Variants in SPOCK1 observed in about 807,000 individuals in gnomAD.
SPOCK1 encodes SPARC (osteonectin), cwcv and kazal like domains proteoglycan 1.
SPOCK1 carries 23 observed loss-of-function variants against 55.3 expected under a neutral mutation model. The ratio of observed to expected loss-of-function variants is 0.42; its 90% confidence interval spans 0.30 to 0.59. The LOEUF is 0.59. Ranked by LOEUF, SPOCK1 falls within the 20% of genes least tolerant of loss-of-function variation. SPOCK1 has a pLI of 0.22. For synonymous variants in SPOCK1, 226 were observed against 221.0 expected (o/e 1.02, Z -0.20); for missense variants, 499 against 552.5 (o/e 0.90, Z 0.97).
intron 2 of SPOCK1, among the ~76,000 whole-genome samples, chr5:137,474,812 C>T (rs922366828): frequency 2.0e-5 from 3 of 152,184 alleles, no homozygotes; most frequent in African/African-American, 7.2e-5. Flanking sequence ...GTGTTACTAA[C>T]AAGGTGGGAG....
At chr5:137,036,753 G>A (rs1468269856) in intron 6 of SPOCK1, among the ~76,000 whole-genome samples, 4 of 152,222 alleles carry the variant, frequency 2.6e-5, no homozygotes, top group African/African-American at 9.6e-5. Flanking sequence ...GCTCCAGGCA[G>A]TTCCTGCTGC....
chr5:137,493,643 AG>A (rs1168027210), intron 2 of SPOCK1, among the ~76,000 whole-genome samples: 2 of 152,234 alleles, frequency 1.3e-5, no homozygotes, highest in African/African-American at 4.8e-5. Flanking sequence ...CAGCTAGTAC[AG>A]GGGATTTAAG....
intron 3 of SPOCK1, among the ~76,000 whole-genome samples, chr5:137,212,106 G>A (rs1458670174): frequency 4.6e-5 from 7 of 152,172 alleles, no homozygotes; most frequent in East Asian, 1.9e-4. Flanking sequence ...CCGAAGGGGG[G>A]TCCATCTTGT....
intron 2 of SPOCK1, among the ~76,000 whole-genome samples, chr5:137,469,404 A>C (rs1296672515): frequency 6.6e-6 from 1 of 152,154 alleles, no homozygotes; most frequent in Admixed American, 6.5e-5. Flanking sequence ...TACCATAGAA[A>C]TCTTTCAGAA....
rs185531485 is a variant in SPOCK1 at position 137,395,320 on chromosome 5, A to G, written c.186+103053T>C. 1.7e-3 allele frequency among the ~76,000 whole-genome samples: 260 copies of G among 152,340 alleles called. 4 individuals are homozygous for G. The highest frequency in any genetic ancestry group is 4.8e-3 in the Admixed American group (73 of 15,306). On this transcript the variant is annotated intron_variant, in intron 2 of 10. Transcript: ENST00000394945. ...TGCCAAAGTAATTTTCTTTAAAATG[A>G]TTTATCAGCCATACGAACACAAGCC...
At chr5:137,011,933 A>T (rs927189866) in intron 6 of SPOCK1, among the ~76,000 whole-genome samples, 1 of 152,222 alleles carries the variant, frequency 6.6e-6, no homozygotes, top group African/African-American at 2.4e-5. Context: ...CAACACCAGG[A>T]GTCCCGAGAG....
At chr5:137,077,940 CT>C (rs1580738909) in intron 5 of SPOCK1, among the ~76,000 whole-genome samples, 1 of 151,908 alleles carries the variant, frequency 6.6e-6, no homozygotes, top group African/African-American at 2.4e-5. Flanking sequence ...GAGACTATCA[CT>C]TTCATTTTAC....
intron 6 of SPOCK1, among the ~76,000 whole-genome samples, chr5:137,041,264 T>G (rs1204623075): frequency 6.6e-6 from 1 of 152,160 alleles, no homozygotes; most frequent in Non-Finnish European, 1.5e-5. Flanking sequence ...CTGGAATAAT[T>G]AGATATTCAA....
intron 3 of SPOCK1, among the ~76,000 whole-genome samples, chr5:137,227,498 G>T (rs993432526): frequency 2.0e-5 from 3 of 152,174 alleles, no homozygotes; most frequent in Non-Finnish European, 2.9e-5. Flanking sequence ...TCTGGCTCTG[G>T]TATGCTCGAA....
intron 3 of SPOCK1, among the ~76,000 whole-genome samples, chr5:137,236,968 C>G (rs1293385953): frequency 3.3e-5 from 5 of 152,154 alleles, no homozygotes; most frequent in African/African-American, 1.2e-4. Flanking sequence ...GGGTGAGGAC[C>G]AACGCAGGGA....
intron 2 of SPOCK1, among the ~76,000 whole-genome samples, chr5:137,498,092 T>G (rs1011074224): frequency 2.0e-5 from 3 of 152,106 alleles, no homozygotes; most frequent in African/African-American, 7.2e-5. Context: ...CTGTGCTGTA[T>G]TTTAGTGCAG....
At chr5:137,043,519 G>A (rs1752040317) in intron 6 of SPOCK1, among the ~76,000 whole-genome samples, 1 of 152,170 alleles carries the variant, frequency 6.6e-6, no homozygotes, top group Non-Finnish European at 1.5e-5. Flanking sequence ...AGAGAAGCCT[G>A]ACAAACACTA....
At chr5:137,268,513 A>G (rs1230344080) in intron 2 of SPOCK1, among the ~76,000 whole-genome samples, 1 of 152,144 alleles carries the variant, frequency 6.6e-6, no homozygotes, top group East Asian at 1.9e-4. Context: ...TACAATCCCA[A>G]ACTTTTGGAA....
Position 136,978,130 on chromosome 5 carries a change from T to G in SPOCK1, c.*524A>C. The stretch of plus-strand genomic sequence containing the variant: ...CCAGATATAATGATGTGAAAAAAAC[T>G]AATTTTTAATAATAATCACCGGCAG... On this transcript the variant is annotated 3_prime_UTR_variant, in exon 11 of 11. Transcript: ENST00000394945. 1 of 392,578 alleles carries G rather than the reference T, an allele frequency of 2.5e-6. No individual in the cohort carries two copies. The highest frequency in any genetic ancestry group is 4.5e-6 in the Non-Finnish European group (1 of 222,532). The allele number at this position is 392,578 out of a possible 1,614,324, so 24.3% of individuals were successfully genotyped here. A position where few individuals can be genotyped will look rare whatever the true frequency, so the allele number is the denominator to read the frequency against.
At chr5:137,351,747 C>G (rs781769891) in intron 2 of SPOCK1, among the ~76,000 whole-genome samples, 25 of 152,184 alleles carry the variant, frequency 1.6e-4, no homozygotes, top group Non-Finnish European at 3.5e-4. Flanking sequence ...TTTCATGCAT[C>G]CTTTAAGATA....
In SPOCK1 at chr5:137,227,949, T is replaced by C. The variant is rs993331864; in HGVS notation, c.232+39061A>G. ...TGATCTGGACATTTCCTCATCCATA[T>C]CCAATGCAGAAAAAGTATAAATACC... On this transcript the variant is annotated intron_variant, in intron 3 of 10. Coordinates refer to ENST00000394945, the MANE Select transcript of SPOCK1 (RefSeq NM_004598.4). Among the ~76,000 whole-genome samples, 2 of 152,250 alleles carry C rather than the reference T, an allele frequency of 1.3e-5. 1 individual carries two copies. Among genetic ancestry groups the C allele is most frequent in the Admixed American group, 1.3e-4 (2 of 15,288 alleles).
chr5:137,224,629 CT>C (rs1755914506), intron 3 of SPOCK1, among the ~76,000 whole-genome samples: 1 of 152,206 alleles, frequency 6.6e-6, no homozygotes, highest in South Asian at 2.1e-4. Context: ...GAAGCTGACT[CT>C]ATTGAGCTTA....
intron 3 of SPOCK1, among the ~76,000 whole-genome samples, chr5:137,157,165 A>G (rs954842502): frequency 6.6e-6 from 1 of 152,012 alleles, no homozygotes; most frequent in Non-Finnish European, 1.5e-5. Flanking sequence ...TGTTTGCACT[A>G]CCTAGAGCTC....
chr5:136,987,169 TAA>T (rs1750859600), intron 8 of SPOCK1, among the ~76,000 whole-genome samples: 1 of 151,972 alleles, frequency 6.6e-6, no homozygotes, highest in Admixed American at 6.5e-5. Flanking sequence ...GCAAAAAAGA[TAA>T]AGTGAGAAAT....
Sources: gnomAD v4.1 joint callset for allele counts (sites outside exome capture counted in the v4.1 genomes callset) on GRCh38, gnomAD v4.1.1 for gene constraint, MANE v1.5 for transcripts, NCBI Gene and HGNC (gene_info 2026-07-23, HGNC 2026-07-21) for gene names.